The following INPP4B variants were observed in gnomAD, a reference collection of about 807,000 sequenced individuals.
INPP4B encodes the protein inositol polyphosphate 4-phosphatase type II.
Under a neutral mutation model 122.5 loss-of-function variants are expected in INPP4B, and 55 were observed. That is an observed-to-expected ratio of 0.45 (90% CI 0.36 to 0.56). The LOEUF (loss-of-function observed/expected upper bound fraction) is 0.56, where lower values mean the gene tolerates loss of function less well. Ranked by LOEUF, INPP4B falls within the 20% of genes least tolerant of loss-of-function variation. INPP4B has a pLI of 0.00. For synonymous variants in INPP4B, 403 were observed against 388.7 expected (o/e 1.04, Z -0.43); for missense variants, 1,000 against 1,097.7 (o/e 0.91, Z 1.26).
chr4:142,619,124 G>T (rs1011736305), intron 2 of INPP4B, among the ~76,000 whole-genome samples: 5 of 151,788 alleles, frequency 3.3e-5, no homozygotes, highest in African/African-American at 4.8e-5. Flanking sequence ...CTGATTATTT[G>T]TGCCATCCTG....
chr4:142,192,700 C>T (rs1836527144), intron 15 of INPP4B, among the ~76,000 whole-genome samples: 1 of 152,102 alleles, frequency 6.6e-6, no homozygotes, highest in Non-Finnish European at 1.5e-5. Flanking sequence ...ATGGAAATTA[C>T]TAGTAGGGTA....
Position 142,577,557 on chromosome 4 carries a change from T to C in INPP4B, c.-190-114831A>G, listed in dbSNP as rs564499902. 1.9e-4 allele frequency among the ~76,000 whole-genome samples: 29 copies of C among 152,120 alleles called. No individual in the cohort carries two copies. In the South Asian group the frequency reaches 6.0e-3, roughly 32 times the overall value. ...GAGTCGTGGATTGAGACTGGTTGTA[T>C]TGTGAAAGACATTTTGCTATATGAA... On this transcript the variant is annotated intron_variant, in intron 2 of 25. Coordinates refer to ENST00000262992, the MANE Select transcript of INPP4B (RefSeq NM_001101669.3).
chr4:142,529,679 G>A (rs1827352525), intron 2 of INPP4B, among the ~76,000 whole-genome samples: 1 of 151,968 alleles, frequency 6.6e-6, no homozygotes, highest in Non-Finnish European at 1.5e-5. Context: ...AATATTAAGA[G>A]TGTAAAAAAG....
At chr4:142,379,209 T>C (rs893153591) in intron 7 of INPP4B, among the ~76,000 whole-genome samples, 2 of 152,186 alleles carry the variant, frequency 1.3e-5, no homozygotes, top group Non-Finnish European at 2.9e-5. Flanking sequence ...CAAAAGCTGC[T>C]GTCTCTATCA....
chr4:142,414,095 T>C (rs1321539211), intron 5 of INPP4B, among the ~76,000 whole-genome samples: 1 of 152,206 alleles, frequency 6.6e-6, no homozygotes, highest in Non-Finnish European at 1.5e-5. Flanking sequence ...GCATCATTGC[T>C]CCTAAATTTC....
intron 2 of INPP4B, among the ~76,000 whole-genome samples, chr4:142,682,808 T>TA (rs1758823432): frequency 6.6e-6 from 1 of 151,924 alleles, no homozygotes; most frequent in Admixed American, 6.6e-5. Flanking sequence ...TTTGATGTTA[T>TA]AAAAAATACT....
intron 17 of INPP4B, among the ~76,000 whole-genome samples, chr4:142,152,734 CA>C (rs1464424707): frequency 2.0e-5 from 3 of 152,172 alleles, no homozygotes; most frequent in African/African-American, 7.2e-5. Context: ...GCAGGGACGA[CA>C]AGGTGTCTGC....
chr4:142,827,387 TAAC>T (rs1160498451), intron 1 of INPP4B, among the ~76,000 whole-genome samples: 1 of 152,190 alleles, frequency 6.6e-6, no homozygotes, highest in East Asian at 1.9e-4. Flanking sequence ...TCATCCAACT[TAAC>T]AAAGTCACAC....
Position 142,428,359 on chromosome 4 carries a change from T to G in INPP4B, c.136+814A>C, listed in dbSNP as rs139211096. 6.6e-3 allele frequency among the ~76,000 whole-genome samples: 999 copies of G among 151,278 alleles called. 10 individuals are homozygous for G. Among genetic ancestry groups the G allele is most frequent in the South Asian group, 0.013 (63 of 4,810 alleles). ...CTGTATACGAAATTGAATATGTGCA[T>G]GTATTAGTCTGTAAAACTTAGTTTA... On this transcript the variant is annotated intron_variant, in intron 5 of 25. Transcript: ENST00000262992.
At chr4:142,625,639 G>T (rs559442542) in intron 2 of INPP4B, among the ~76,000 whole-genome samples, 27 of 151,908 alleles carry the variant, frequency 1.8e-4, no homozygotes, top group African/African-American at 6.0e-4. Flanking sequence ...CTACTTTAAA[G>T]TTCATATGGA....
At chr4:142,839,761 G>A (rs1392120594) in intron 1 of INPP4B, among the ~76,000 whole-genome samples, 1 of 152,196 alleles carries the variant, frequency 6.6e-6, no homozygotes, top group African/African-American at 2.4e-5. Flanking sequence ...TGATGGGTAT[G>A]TGGGAATGCA....
intron 2 of INPP4B, among the ~76,000 whole-genome samples, chr4:142,606,894 A>C (rs986604206): frequency 3.9e-5 from 6 of 152,034 alleles, no homozygotes; most frequent in African/African-American, 1.4e-4. Context: ...AAAGGTAACA[A>C]ATTGTTTAAA....
At chr4:142,434,171 T>C (rs947140971) in intron 3 of INPP4B, among the ~76,000 whole-genome samples, 1 of 152,212 alleles carries the variant, frequency 6.6e-6, no homozygotes, top group African/African-American at 2.4e-5. Context: ...CTAAATCCTT[T>C]ACCTCTCATT....
chr4:142,469,095 T>C (rs773160460), intron 2 of INPP4B, among the ~76,000 whole-genome samples: 2 of 151,782 alleles, frequency 1.3e-5, no homozygotes, highest in Non-Finnish European at 2.9e-5. Context: ...AAGCTGACAA[T>C]GGCATTCTCA....
chr4:142,427,533 A>C, intron 5 of INPP4B: 1 of 621,102 alleles, frequency 1.6e-6, no homozygotes, highest in South Asian at 2.0e-5. Flanking sequence ...CTTTCTAAAC[A>C]AACAGCATAG....
rs144318658 is a variant in INPP4B, at chr4:142,841,993, A to C, written c.-254+4216T>G. ...CACAGATAGATAGATTGATAGATAG[A>C]TCGATAGACAGATAGATAGATACAG... On this transcript the variant is annotated intron_variant, in intron 1 of 25. Coordinates refer to ENST00000262992, the MANE Select transcript of INPP4B (RefSeq NM_001101669.3). Among the ~76,000 whole-genome samples, 267 of 151,996 alleles carry C rather than the reference A, an allele frequency of 1.8e-3. 3 individuals are homozygous for C. The East Asian group carries it at 0.018, about 10-fold the overall frequency.
chr4:142,541,126 T>C (rs1050113772), intron 2 of INPP4B, among the ~76,000 whole-genome samples: 11 of 152,174 alleles, frequency 7.2e-5, no homozygotes, highest in African/African-American at 2.7e-4. Flanking sequence ...ATAACTAATA[T>C]TGAGATTATC....
At chr4:142,610,164 C>T (rs1323472708) in intron 2 of INPP4B, among the ~76,000 whole-genome samples, 2 of 152,076 alleles carry the variant, frequency 1.3e-5, no homozygotes, top group African/African-American at 4.8e-5. Context: ...CCATACTGTT[C>T]TCATGGTAGT....
chr4:142,432,964 G>A lies in INPP4B; in HGVS notation c.-126-1579C>T, dbSNP rs148463043. Among the ~76,000 whole-genome samples, 374 of 152,270 alleles carry A rather than the reference G, an allele frequency of 2.5e-3. 2 individuals are homozygous for A. The highest frequency in any genetic ancestry group is 8.8e-3 in the African/African-American group (367 of 41,576). Reference sequence around the variant, plus strand: ...TGGGAGGAGAAGACTGACGTAAGATGTCTACAAAGTCTCATTAATGTGGTC... The same window carrying A: ...TGGGAGGAGAAGACTGACGTAAGATATCTACAAAGTCTCATTAATGTGGTC... On this transcript the variant is annotated intron_variant, in intron 3 of 25. Coordinates refer to ENST00000262992, the MANE Select transcript of INPP4B (RefSeq NM_001101669.3).
Sources: gnomAD v4.1 joint callset for allele counts (sites outside exome capture counted in the v4.1 genomes callset) on GRCh38, gnomAD v4.1.1 for gene constraint, MANE v1.5 for transcripts, NCBI Gene and HGNC (gene_info 2026-07-23, HGNC 2026-07-21) for gene names.